SAAL1: variants seen among roughly 807,000 people sequenced by gnomAD.
SAAL1 encodes protein SAAL1.
Under a neutral mutation model 59.8 loss-of-function variants are expected in SAAL1, and 42 were observed. The ratio of observed to expected loss-of-function variants is 0.70; its 90% confidence interval spans 0.55 to 0.91. SAAL1 has a LOEUF of 0.91. Ranked by LOEUF, SAAL1 falls within the 40% of genes least tolerant of loss-of-function variation. The pLI is 0.00. For missense variants in SAAL1, 542 were observed against 561.1 expected (o/e 0.97, Z 0.34); for synonymous variants, 191 against 194.3 (o/e 0.98, Z 0.14).
At position 18,083,586 on chromosome 11, in the gene SAAL1, T is replaced by A. The variant is rs757384665; in HGVS notation, c.1188A>T (p.Leu396Phe). Residue 396 changes from leucine to phenylalanine, a missense_variant, in exon 10 of 12, where the codon TTA becomes TTT. Physicochemically the swap from Leu to Phe is conservative, Grantham distance 22 (BLOSUM62 0). Transcript: ENST00000524803. ...LTQDDFHLKI[L>F]KDILCEFLSN... ...AAAGAAATTCACATAAAATATCCTT[T>A]AAGATTTTCAAGTGGAAATCATCTT... 1 of 1,598,110 alleles carries A rather than the reference T, an allele frequency of 6.3e-7. No homozygotes were observed. Among genetic ancestry groups the A allele is most frequent in the Non-Finnish European group, 8.6e-7 (1 of 1,166,120 alleles).
chr11:18,095,439 T>C (rs534284398), intron 3 of SAAL1, among the ~76,000 whole-genome samples: 249 of 152,354 alleles, frequency 1.6e-3, no homozygotes, highest in African/African-American at 5.3e-3. Context: ...AGAATTCTAA[T>C]TCAACATTCA....
At chr11:18,092,421 G>A in intron 3 of SAAL1, 97 bp from the exon 4 acceptor site, 1 of 776,704 alleles carries the variant, frequency 1.3e-6, no homozygotes, top group Non-Finnish European at 2.3e-6. Flanking sequence ...GCCAAGTTTT[G>A]GGGCAAGGCG....
Position 18,092,258 on chromosome 11 carries a change from C to A in SAAL1, c.400G>T (p.Asp134Tyr), listed in dbSNP as rs1848530309. 4 of 1,576,922 alleles carry A rather than the reference C, an allele frequency of 2.5e-6. No homozygotes were observed. Among genetic ancestry groups the A allele is most frequent in the Non-Finnish European group, 3.5e-6 (4 of 1,149,506 alleles). Residue 134 changes from aspartate to tyrosine, a missense_variant, in exon 4 of 12, where the codon GAT becomes TAT. Physicochemically the swap from Asp to Tyr is radical, Grantham distance 160 (BLOSUM62 -3). Transcript: ENST00000524803. ...FQEICVSISS[D>Y]KNLGQVLLHC... is the part of the protein sequence containing the mutation. ...AGTAAGACTTACCCAAGATTTTTATCACTGCTGATGGACACACATATCTCC... is the reference window on the plus strand; with the variant it reads ...AGTAAGACTTACCCAAGATTTTTATAACTGCTGATGGACACACATATCTCC...
At position 18,089,486 on chromosome 11, in the gene SAAL1, T is replaced by A. The variant is rs1564870697; in HGVS notation, c.614A>T (p.Glu205Val). The change falls in exon 7 of 12, where the codon GAG (glutamate) becomes GTG (valine). Residue 205 changes from glutamate (E) to valine (V), a missense_variant. Physicochemically the swap from Glu to Val is moderately radical, Grantham distance 121 (BLOSUM62 -2). Coordinates refer to ENST00000524803, the MANE Select transcript of SAAL1 (RefSeq NM_138421.3). ...TNVDLLVKVG[E>V]VVDKLFDLDE... is the part of the protein sequence containing the mutation. ...CAAATCAAAGAGCTTGTCCACAACC[T>A]CCCCCACCTTCACCAGCAAGTCAAC... 3 of 1,610,002 alleles carry A rather than the reference T, an allele frequency of 1.9e-6. No individual in the cohort carries two copies. The highest frequency in any genetic ancestry group is 2.5e-6 in the Non-Finnish European group (3 of 1,178,898).
In SAAL1 at chr11:18,090,327, A is replaced by C. The variant is rs1300706171; in HGVS notation, c.474-37T>G. 3 of 1,161,630 alleles carry C rather than the reference A, an allele frequency of 2.6e-6. No individual in the cohort carries two copies. The African/African-American group carries it at 4.9e-5, about 19-fold the overall frequency. The allele number at this position is 1,161,630 out of a possible 1,614,324, so 72.0% of individuals were successfully genotyped here. On this transcript the variant is annotated intron_variant, in intron 5 of 11. Coordinates refer to ENST00000524803, the MANE Select transcript of SAAL1 (RefSeq NM_138421.3). ...ACGTGGGTTGAATTTCTACTTTTCAAAAAAAAAAAAAAAACAGTAAAGGAA... is the reference window on the plus strand; with the variant it reads ...ACGTGGGTTGAATTTCTACTTTTCACAAAAAAAAAAAAAACAGTAAAGGAA...
chr11:18,090,110 A>T, intron 6 of SAAL1, 65 bp downstream of exon 6: 1 of 1,400,284 alleles, frequency 7.1e-7, no homozygotes, highest in Non-Finnish European at 9.7e-7. Flanking sequence ...AGAAATAGTT[A>T]CATGGTTTCC....
intron 2 of SAAL1, among the ~76,000 whole-genome samples, chr11:18,101,405 T>A (rs1322509464): frequency 6.6e-6 from 1 of 152,154 alleles, no homozygotes; most frequent in African/African-American, 2.4e-5. Context: ...CATGCTGTTC[T>A]CATGATAATG....
chr11:18,088,137 G>A (rs764813542), intron 7 of SAAL1, among the ~76,000 whole-genome samples: 1 of 152,188 alleles, frequency 6.6e-6, no homozygotes, highest in Non-Finnish European at 1.5e-5. Flanking sequence ...AAGAAGTGAC[G>A]CAAACTTCAC....
At chr11:18,103,207 T>G in intron 2 of SAAL1, 26 bp downstream of exon 2, 1 of 1,461,598 alleles carries the variant, frequency 6.8e-7, no homozygotes, top group Non-Finnish European at 9.6e-7. Context: ...CCAACAGTCT[T>G]CAGAGTTTTG....
chr11:18,096,671 T>C lies in SAAL1; in HGVS notation c.333+100A>G. 1.1e-5 allele frequency: 8 copies of C among 715,792 alleles called. 1 individual carries two copies. Among genetic ancestry groups the C allele is most frequent in the East Asian group, 7.7e-5 (3 of 38,980 alleles). The allele number at this position is 715,792 out of a possible 1,614,324, so 44.3% of individuals were successfully genotyped here. A position where few individuals can be genotyped will look rare whatever the true frequency, so the allele number is the denominator to read the frequency against. On this transcript the variant is annotated intron_variant, in intron 3 of 11. Transcript: ENST00000524803. ...ATCTACAGGCTGATTTGTTGATTTA[T>C]GGTCAGTAAGAAAATCAAAGTGAGA...
At position 18,096,817 on chromosome 11, in the gene SAAL1, T is replaced by A; in HGVS notation, c.287A>T (p.Asp96Val). 1 of 1,584,610 alleles carries A rather than the reference T, an allele frequency of 6.3e-7. No individual in the cohort carries two copies. Among genetic ancestry groups the A allele is most frequent in the South Asian group, 1.1e-5 (1 of 87,372 alleles). ...ALFLQEFNAPDIFMGVLAKSK... is the reference protein window; with the variant it reads ...ALFLQEFNAPVIFMGVLAKSK... ...CTTGGCCAGTACTCCCATGAATATA[T>A]CAGGAGCATTAAATTCTTGGAGAAA... Residue 96 changes from aspartate to valine, a missense_variant, in exon 3 of 12, where the codon GAT (aspartate) becomes GTT (valine). By Grantham distance (152) the Asp-to-Val change is radical. Transcript: ENST00000524803.
chr11:18,099,502 A>C (rs972883564), intron 2 of SAAL1, among the ~76,000 whole-genome samples: 15 of 152,364 alleles, frequency 9.8e-5, no homozygotes, highest in African/African-American at 3.6e-4. Flanking sequence ...AATGCTACAA[A>C]GAAAATAAGA....
chr11:18,101,342 G>GT (rs1378487228), intron 2 of SAAL1, among the ~76,000 whole-genome samples: 2 of 152,120 alleles, frequency 1.3e-5, no homozygotes, highest in Non-Finnish European at 2.9e-5. Context: ...TAATCCCCAC[G>GT]TATCAAGGGC....
In SAAL1 at chr11:18,090,084, T is replaced by A. The variant is rs568877281; in HGVS notation, c.589+91A>T. 1.3e-4 allele frequency: 166 copies of A among 1,254,266 alleles called. 1 individual carries two copies. The African/African-American group carries it at 2.2e-3, about 16-fold the overall frequency. The allele number at this position is 1,254,266 out of a possible 1,614,324, so 77.7% of individuals were successfully genotyped here. On this transcript the variant is annotated intron_variant, in intron 6 of 11. Coordinates refer to ENST00000524803, the MANE Select transcript of SAAL1 (RefSeq NM_138421.3). ...ATTACCTTGCACTCAAGGCTTTTTTTAAAAAGGTGACTTCTAGAAATAGTT... is the reference window on the plus strand; with the variant it reads ...ATTACCTTGCACTCAAGGCTTTTTTAAAAAAGGTGACTTCTAGAAATAGTT...
At chr11:18,104,597 C>T (rs1451020127) in intron 1 of SAAL1, among the ~76,000 whole-genome samples, 1 of 151,976 alleles carries the variant, frequency 6.6e-6, no homozygotes. Context: ...AGATGGGGAA[C>T]CTTCCCTTAG....
At chr11:18,101,393 C>T (rs1038689101) in intron 2 of SAAL1, among the ~76,000 whole-genome samples, 1 of 152,070 alleles carries the variant, frequency 6.6e-6, no homozygotes, top group Non-Finnish European at 1.5e-5. Context: ...GGTGGTTTCC[C>T]CCATGCTGTT....
Position 18,080,357 on chromosome 11 carries a change from A to G in SAAL1, c.*42T>C, listed in dbSNP as rs1372151360. The G allele has an allele frequency of 1.6e-6, 2 of 1,261,214 alleles. No individual in the cohort carries two copies. The highest frequency in any genetic ancestry group is 2.2e-6 in the Non-Finnish European group (2 of 890,174). The allele number at this position is 1,261,214 out of a possible 1,614,324, so 78.1% of individuals were successfully genotyped here. A position where few individuals can be genotyped will look rare whatever the true frequency, so the allele number is the denominator to read the frequency against. ...TCAATTTCAACTGTCAGTGAGAAAA[A>G]TAAAGTTTATTTCTTGTACAGAAGT... On this transcript the variant is annotated 3_prime_UTR_variant, in exon 12 of 12. Coordinates refer to ENST00000524803, the MANE Select transcript of SAAL1 (RefSeq NM_138421.3).
At position 18,090,206 on chromosome 11, in the gene SAAL1, G is replaced by T; in HGVS notation, c.558C>A (p.Ser186Arg). 2 of 1,601,512 alleles carry T rather than the reference G, an allele frequency of 1.2e-6. No individual in the cohort carries two copies. Among genetic ancestry groups the T allele is most frequent in the Non-Finnish European group, 1.7e-6 (2 of 1,176,456 alleles). Residue 186 changes from serine to arginine, a missense_variant, in exon 6 of 12, where the codon AGC becomes AGA. Ser to Arg is a moderately radical substitution (Grantham distance 110, BLOSUM62 -1). Coordinates refer to ENST00000524803, the MANE Select transcript of SAAL1 (RefSeq NM_138421.3). ...TTGAACTTGACATAATGAAGCAAAT[G>T]CTATCATAAATAGCTGGATGTTCCT... is the stretch of plus-strand genomic sequence containing the variant. Reference protein sequence around the residue: ...RIQEHPAIYDSICFIMSSSTN... With the variant: ...RIQEHPAIYDRICFIMSSSTN...
intron 3 of SAAL1, among the ~76,000 whole-genome samples, chr11:18,095,057 T>G (rs1453940129): frequency 6.6e-6 from 1 of 152,124 alleles, no homozygotes; most frequent in African/African-American, 2.4e-5. Flanking sequence ...CAGCATCACC[T>G]GGGAACATAT....
Sources: allele counts gnomAD v4.1 joint callset (sites outside exome capture counted in the v4.1 genomes callset), GRCh38; gene constraint gnomAD v4.1.1; transcripts MANE v1.5; gene names NCBI Gene and HGNC (gene_info 2026-07-23, HGNC 2026-07-21).